Variants in RPS6KA3 observed in about 807,000 individuals in gnomAD.
The protein encoded by RPS6KA3 is ribosomal protein S6 kinase A3.
A neutral mutation model predicts 67.2 loss-of-function variants in RPS6KA3; 4 were observed. The ratio of observed to expected loss-of-function variants is 0.06; its 90% CI spans 0.03 to 0.14. The LOEUF is 0.14. RPS6KA3 is among the 10% of genes least tolerant of loss of function. The pLI, the probability that RPS6KA3 is intolerant of heterozygous loss-of-function variation, is 1.00. For missense variants in RPS6KA3, 204 were observed against 559.0 expected, an observed-to-expected ratio of 0.36 and a Z score of 6.40; for synonymous variants, 182 against 183.7, an observed-to-expected ratio of 0.99 and a Z score of 0.07.
At chrX:20,197,995 AGC>A (rs1424461767) in intron 4 of RPS6KA3, among the ~76,000 whole-genome samples, 2,541 of 112,095 alleles carry the variant, frequency 0.023, 74 homozygotes, top group African/African-American at 0.078. Flanking sequence ...AACCTTTTTA[AGC>A]AGTTTACAGA....
chrX:20,243,946 T>C (rs1299593664), intron 1 of RPS6KA3, among the ~76,000 whole-genome samples: 3 of 111,677 alleles, frequency 2.7e-5, no homozygotes, highest in African/African-American at 9.8e-5. Flanking sequence ...CATAATAGTA[T>C]TGAACATTTA....
intron 3 of RPS6KA3, among the ~76,000 whole-genome samples, chrX:20,208,607 A>T (rs2050703666): frequency 9.1e-6 from 1 of 110,369 alleles, no homozygotes; most frequent in Non-Finnish European, 1.9e-5. Context: ...GGTCCCAGCT[A>T]CTCAGGAGGC....
rs185082716 is a variant in RPS6KA3 at position 20,214,651 on chromosome X, A to G, written c.127-5247T>C. Among the ~76,000 whole-genome samples the G allele has an allele frequency of 2.7e-5, 3 of 111,143 alleles. No individual in the cohort carries two copies. In the East Asian group the frequency reaches 8.4e-4, roughly 31 times the overall value. On this transcript the variant is annotated intron_variant, in intron 2 of 21. Transcript: ENST00000379565. Reference sequence around the variant, plus strand: ...AATGCCAGATGCTTGGTGAACCTTTATAATCTAAAGACCTGAATTCTTTAA... The same window carrying G: ...AATGCCAGATGCTTGGTGAACCTTTGTAATCTAAAGACCTGAATTCTTTAA...
intron 17 of RPS6KA3, 94 bp from the exon 18 acceptor site, chrX:20,165,154 A>T: frequency 1.5e-6 from 1 of 655,360 alleles, no homozygotes; most frequent in African/African-American, 2.1e-5. Flanking sequence ...GCACTTAACA[A>T]GATGATGAGT....
chrX:20,194,373 T>C (rs2068218075), intron 5 of RPS6KA3, 105 bp from the exon 6 acceptor site: 2 of 509,863 alleles, frequency 3.9e-6, no homozygotes, highest in Admixed American at 3.3e-5. Flanking sequence ...ATATCAAATG[T>C]CCAAACTTAC....
chrX:20,158,110 G>A (rs751572033), intron 20 of RPS6KA3, among the ~76,000 whole-genome samples: 38 of 109,806 alleles, frequency 3.5e-4, no homozygotes, highest in African/African-American at 9.3e-4. Flanking sequence ...TGGGCTGGGC[G>A]TGGGAGAAAT....
chrX:20,220,634 T>C (rs2068966746), intron 2 of RPS6KA3, among the ~76,000 whole-genome samples: 1 of 112,238 alleles, frequency 8.9e-6, no homozygotes, highest in Admixed American at 9.5e-5. Flanking sequence ...TTTTTTAAAC[T>C]TAAAGGATTA....
chrX:20,195,849 C>G (rs2068259693), intron 4 of RPS6KA3, among the ~76,000 whole-genome samples: 1 of 112,131 alleles, frequency 8.9e-6, no homozygotes, highest in Non-Finnish European at 1.9e-5. Context: ...GGGGATAACA[C>G]TACTGTAGCT....
At position 20,204,216 on chromosome X, in the gene RPS6KA3, T is replaced by C. The variant is rs2068515553; in HGVS notation, c.244-113A>G. 6.1e-6 allele frequency: 3 copies of C among 494,228 alleles called. No homozygotes were observed. In the East Asian group the frequency reaches 1.1e-4, roughly 18 times the overall value. 40.7% of individuals were successfully genotyped at this position (494,228 alleles called of 1,213,427 possible). ...TATTATAATATAGATTCAGATATACTGTAGATTATTTCCCCTAAAATGTAT... is the reference window on the plus strand; with the variant it reads ...TATTATAATATAGATTCAGATATACCGTAGATTATTTCCCCTAAAATGTAT... On this transcript the variant is annotated intron_variant, in intron 3 of 21. Transcript: ENST00000379565.
At chrX:20,186,015 C>A (rs1168945815) in intron 10 of RPS6KA3, among the ~76,000 whole-genome samples, 1 of 112,120 alleles carries the variant, frequency 8.9e-6, no homozygotes, top group Non-Finnish European at 1.9e-5. Flanking sequence ...TATCAGCTCA[C>A]TGCAACCTCC....
At position 20,266,475 on chromosome X, in the gene RPS6KA3, G is replaced by T. The variant is rs958217419; in HGVS notation, c.69+89C>A. 27 of 761,173 alleles carry T rather than the reference G, an allele frequency of 3.5e-5. No homozygotes were observed. In the Middle Eastern group the frequency reaches 1.6e-3, roughly 44 times the overall value. 62.7% of individuals were successfully genotyped at this position (761,173 alleles called of 1,213,427 possible). On this transcript the variant is annotated intron_variant, in intron 1 of 21. Coordinates refer to ENST00000379565, the MANE Select transcript of RPS6KA3 (RefSeq NM_004586.3). ...GGAAAGACGCGAGCGGGATCAGAACGGGCCGAGTGGCCAGCTCCGGGGAGC... is the reference window on the plus strand; with the variant it reads ...GGAAAGACGCGAGCGGGATCAGAACTGGCCGAGTGGCCAGCTCCGGGGAGC...
intron 1 of RPS6KA3, among the ~76,000 whole-genome samples, chrX:20,246,732 TATTA>T (rs761389827): frequency 1.9e-4 from 21 of 112,286 alleles, no homozygotes; most frequent in South Asian, 1.5e-3. Context: ...ATAACATAAC[TATTA>T]ATTAACACTT....
chrX:20,189,446 G>T (rs770043971), intron 7 of RPS6KA3, among the ~76,000 whole-genome samples: 5 of 112,048 alleles, frequency 4.5e-5, no homozygotes, highest in Non-Finnish European at 7.5e-5. Context: ...AATTTACAGA[G>T]AAAATAAAGG....
rs1295437472 is a variant in RPS6KA3 at position 20,176,367 on chromosome X, A to T, written c.1000-15T>A. 7 of 1,141,582 alleles carry T rather than the reference A, an allele frequency of 6.1e-6. No individual in the cohort carries two copies. Among genetic ancestry groups the T allele is most frequent in the Non-Finnish European group, 8.4e-6 (7 of 832,947 alleles). 94.1% of individuals were successfully genotyped at this position (1,141,582 alleles called of 1,213,427 possible). ...CTATACAGTTTCTGGAGGGGAAAAA[A>T]AAAAGAGACTTAGACATATTTTAAT... On this transcript the variant is annotated splice_polypyrimidine_tract_variant and intron_variant, in intron 12 of 21. Coordinates refer to ENST00000379565, the MANE Select transcript of RPS6KA3 (RefSeq NM_004586.3).
intron 2 of RPS6KA3, among the ~76,000 whole-genome samples, chrX:20,212,596 G>A (rs1309059192): frequency 9.0e-6 from 1 of 110,857 alleles, no homozygotes; most frequent in Non-Finnish European, 1.9e-5. Flanking sequence ...TTAGCCAGGT[G>A]TGGTGGTTGG....
rs1192176253 is a variant in RPS6KA3 at position 20,153,922 on chromosome X, G to C, written c.*1476C>G. On this transcript the variant is annotated 3_prime_UTR_variant, in exon 22 of 22. Transcript: ENST00000379565. ...AGGCGTGAGCCACTGCGCCCGGCCTGTAGGGGCACATTCTTGATGAGGTAA... is the reference window on the plus strand; with the variant it reads ...AGGCGTGAGCCACTGCGCCCGGCCTCTAGGGGCACATTCTTGATGAGGTAA... The C allele has an allele frequency of 8.9e-6, 1 of 112,289 alleles. No individual in the cohort carries two copies. The highest frequency in any genetic ancestry group is 1.9e-5 in the Non-Finnish European group (1 of 53,262). The allele number at this position is 112,289 out of a possible 1,213,427, so 9.3% of individuals were successfully genotyped here.
At chrX:20,202,716 G>A (rs1392048251) in intron 4 of RPS6KA3, among the ~76,000 whole-genome samples, 1 of 111,817 alleles carries the variant, frequency 8.9e-6, no homozygotes, top group East Asian at 2.8e-4. Context: ...GAGTTTTGTA[G>A]TTTCCTTTAC....
intron 4 of RPS6KA3, 64 bp from the exon 5 acceptor site, chrX:20,195,209 C>A: frequency 1.4e-6 from 1 of 723,564 alleles, no homozygotes; most frequent in Non-Finnish European, 2.2e-6. Flanking sequence ...AAAACAAATT[C>A]TTTTTGGTGC....
chrX:20,194,160 T>C, intron 6 of RPS6KA3, 29 bp downstream of exon 6: 1 of 943,109 alleles, frequency 1.1e-6, no homozygotes, highest in Non-Finnish European at 1.5e-6. Flanking sequence ...TGCATGTAAA[T>C]AGACTAAAAA....
Sources: gnomAD v4.1 joint callset for allele counts (sites outside exome capture counted in the v4.1 genomes callset) on GRCh38, gnomAD v4.1.1 for gene constraint, MANE v1.5 for transcripts, NCBI Gene and HGNC (gene_info 2026-07-23, HGNC 2026-07-21) for gene names.